The following VRK3 variants were observed in gnomAD, a reference collection of about 807,000 sequenced individuals.
The protein encoded by VRK3 is serine/threonine-protein kinase VRK3.
A neutral mutation model predicts 60.4 loss-of-function variants in VRK3; 50 were observed. That is an observed-to-expected ratio of 0.83 (90% CI 0.66 to 1.05). VRK3 has a LOEUF of 1.05. Ranked by LOEUF, VRK3 falls within the 50% of genes least tolerant of loss-of-function variation. The pLI, the probability that VRK3 is intolerant of heterozygous loss-of-function variation, is 0.00. For missense variants in VRK3, 549 were observed against 585.3 expected, an observed-to-expected ratio of 0.94 and a Z score of 0.64; for synonymous variants, 246 against 227.8, an observed-to-expected ratio of 1.08 and a Z score of -0.72.
At chr19:49,983,781 AG>A (rs1168355823) in intron 12 of VRK3, among the ~76,000 whole-genome samples, 2 of 152,242 alleles carry the variant, frequency 1.3e-5, no homozygotes, top group African/African-American at 4.8e-5. Context: ...AGGGCACCTT[AG>A]GGTGCCAGGA....
chr19:50,011,226 T>C (rs1216267714), intron 3 of VRK3, among the ~76,000 whole-genome samples: 2 of 152,246 alleles, frequency 1.3e-5, no homozygotes, highest in African/African-American at 4.8e-5. Flanking sequence ...CTGTGGTCTC[T>C]GTTTTCCTGT....
rs1568795672 is a variant in VRK3, at chr19:50,000,843, A to T, written c.559T>A (p.Ser187Thr). The T allele has an allele frequency of 6.8e-6, 11 of 1,612,280 alleles. No homozygotes were observed. The highest frequency in any genetic ancestry group is 9.3e-6 in the Non-Finnish European group (11 of 1,179,138). Residue 187 changes from serine to threonine, a missense_variant, in exon 6 of 15, where the codon TCC (serine) becomes ACC (threonine). Coordinates refer to ENST00000316763, the MANE Select transcript of VRK3 (RefSeq NM_016440.4). ...QGILYEAAPT[S>T]TLTCDSGPQK... The stretch of plus-strand genomic sequence containing the variant: ...GGTCCTGAGTCACAGGTGAGGGTGG[A>T]GGTGGGTGCAGCTGTGGGGGAACAA...
intron 5 of VRK3, 158 bp from the exon 6 acceptor site, chr19:50,001,012 A>C (rs1472489602): frequency 4.8e-6 from 3 of 631,004 alleles, no homozygotes; most frequent in Non-Finnish European, 5.5e-6. Flanking sequence ...CCTAGTTTTA[A>C]ATAAGCTTCT....
At chr19:49,987,622 G>C (rs1190501782) in intron 12 of VRK3, 1 of 152,322 alleles carries the variant, frequency 6.6e-6, no homozygotes, top group East Asian at 1.9e-4. Context: ...CCAGTGCTGA[G>C]GCAGGGCCTG....
At chr19:50,012,995 G>A (rs2077020028) in intron 3 of VRK3, among the ~76,000 whole-genome samples, 1 of 152,052 alleles carries the variant, frequency 6.6e-6, no homozygotes, top group Non-Finnish European at 1.5e-5. Flanking sequence ...GTGAAACCCC[G>A]CCTCTACTAA....
intron 10 of VRK3, among the ~76,000 whole-genome samples, chr19:49,990,533 A>C (rs1457532702): frequency 6.6e-6 from 1 of 151,826 alleles, no homozygotes; most frequent in Non-Finnish European, 1.5e-5. Flanking sequence ...GGCATGCACC[A>C]CCATGCCCAG....
At chr19:50,020,747 T>G (rs1385786163) in intron 1 of VRK3, 100 bp from the exon 2 acceptor site, 3 of 152,216 alleles carry the variant, frequency 2.0e-5, no homozygotes, top group African/African-American at 7.2e-5. Context: ...CACCAGCATG[T>G]GCCAAATCCA....
chr19:49,997,660 A>G (rs1340392428), intron 6 of VRK3, 90 bp from the exon 7 acceptor site: 5 of 1,438,390 alleles, frequency 3.5e-6, no homozygotes, highest in African/African-American at 1.4e-5. Context: ...TACTCCCTCA[A>G]TGACCAGGCT....
intron 12 of VRK3, among the ~76,000 whole-genome samples, chr19:49,982,743 A>T (rs986161096): frequency 1.3e-5 from 2 of 152,210 alleles, no homozygotes; most frequent in East Asian, 1.9e-4. Context: ...GACTGACTGT[A>T]TATGTACATA....
chr19:50,009,524 G>T, intron 3 of VRK3, 139 bp from the exon 4 acceptor site: 2 of 958,894 alleles, frequency 2.1e-6, no homozygotes, highest in South Asian at 1.8e-5. Flanking sequence ...CTTCTATTAT[G>T]TAAATATATG....
In VRK3 at chr19:50,007,833, G is replaced by T. The variant is rs565037837; in HGVS notation, c.290-7C>A. The T allele has an allele frequency of 8.1e-6, 13 of 1,614,072 alleles. No homozygotes were observed. The South Asian group carries it at 1.3e-4, about 16-fold the overall frequency. On this transcript the variant is annotated splice_polypyrimidine_tract_variant and splice_region_variant and intron_variant, in intron 4 of 14. Transcript: ENST00000316763. ...GGGGGTCTGCTCCCGGAGCCTGCAG[G>T]AGGATGTAAGAATAAAGTAAAAGCA...
intron 10 of VRK3, among the ~76,000 whole-genome samples, chr19:49,991,983 C>T (rs10413869): frequency 0.053 from 8,006 of 152,284 alleles, 699 homozygotes; most frequent in African/African-American, 0.18. Context: ...ATCAGTATCC[C>T]GCTTAAGGTG....
rs184004286 is a variant in VRK3, at chr19:49,989,796, C to G, written c.964-25G>C. On this transcript the variant is annotated intron_variant, in intron 10 of 14. Coordinates refer to ENST00000316763, the MANE Select transcript of VRK3 (RefSeq NM_016440.4). ...CCTGTGGACACAGGGAAAAGCCATA[C>G]AGATTGGAGGTTAGGAGCGTAGAAG... is the stretch of plus-strand genomic sequence containing the variant. 3.8e-6 allele frequency: 6 copies of G among 1,594,774 alleles called. No homozygotes were observed. In the African/African-American group the frequency reaches 8.0e-5, roughly 21 times the overall value.
intron 9 of VRK3, among the ~76,000 whole-genome samples, chr19:49,993,484 G>T (rs1398079241): frequency 2.0e-5 from 3 of 152,038 alleles, no homozygotes; most frequent in African/African-American, 7.3e-5. Flanking sequence ...CTGTAGCCTT[G>T]ATTTCCCAAG....
rs1434381046 is a variant in VRK3 at position 49,984,218 on chromosome 19, C to T, written c.1218-3205G>A. Among the ~76,000 whole-genome samples, 3 of 152,300 alleles carry T rather than the reference C, an allele frequency of 2.0e-5. No individual in the cohort carries two copies. In the East Asian group the frequency reaches 5.8e-4, roughly 29 times the overall value. ...CAGTTTCCCTGACAAGACTGGAGTT[C>T]AGAGGCACCATGGGCTGATTCTAAC... On this transcript the variant is annotated intron_variant, in intron 12 of 14. Transcript: ENST00000316763.
intron 2 of VRK3, among the ~76,000 whole-genome samples, chr19:50,019,713 T>TA (rs2077139574): frequency 8.8e-6 from 1 of 113,598 alleles, no homozygotes; most frequent in Non-Finnish European, 1.7e-5. Flanking sequence ...TTTTTTTTTT[T>TA]ACTTTTTGTA....
At chr19:49,978,287 C>T (rs1192498390) in intron 14 of VRK3, among the ~76,000 whole-genome samples, 1 of 152,190 alleles carries the variant, frequency 6.6e-6, no homozygotes, top group African/African-American at 2.4e-5. Context: ...TTCCAGCCAA[C>T]TCCGATGAGA....
chr19:50,000,778 A>G lies in VRK3; in HGVS notation c.612+12T>C, dbSNP rs2076790353. The G allele has an allele frequency of 6.2e-7, 1 of 1,610,704 alleles. No individual in the cohort carries two copies. Among genetic ancestry groups the G allele is most frequent in the South Asian group, 1.1e-5 (1 of 90,232 alleles). On this transcript the variant is annotated intron_variant, in intron 6 of 14. Transcript: ENST00000316763. ...CCCCTCCAAGCTGCCCCCCACCTGC[A>G]GGGTCACTTACCAGTTTGAGTGAGA...
chr19:49,997,276 C>G (rs1352501046), intron 7 of VRK3: 1 of 460,068 alleles, frequency 2.2e-6, no homozygotes, highest in Admixed American at 3.7e-5. Context: ...TCAACCCACG[C>G]CCAGCCTGAA....
Sources: gnomAD v4.1 joint callset for allele counts (sites outside exome capture counted in the v4.1 genomes callset) on GRCh38, gnomAD v4.1.1 for gene constraint, MANE v1.5 for transcripts, NCBI Gene and HGNC (gene_info 2026-07-23, HGNC 2026-07-21) for gene names.